ZNF416: variants seen among roughly 807,000 people sequenced by gnomAD.
The protein encoded by ZNF416 is zinc finger protein 416.
In ZNF416, 5 loss-of-function variants were observed where a neutral mutation model predicts 10.9. That is an observed-to-expected ratio of 0.46 (90% confidence interval 0.24 to 0.97). The LOEUF (loss-of-function observed/expected upper bound fraction) is 0.97. ZNF416 is among the 50% of genes least tolerant of loss of function. ZNF416 has a pLI of 0.19. For missense variants in ZNF416, 675 were observed against 715.0 expected (o/e 0.94, Z 0.64); for synonymous variants, 267 against 251.8 (o/e 1.06, Z -0.57).
chr19:57,578,733 C>A lies in ZNF416; in HGVS notation c.-29G>T. The stretch of plus-strand genomic sequence containing the variant: ...ATTGTGAGCGGAGCGGGGCCGGGAG[C>A]GGCGGGCGACCCGGGGCGGGAACCC... On this transcript the variant is annotated 5_prime_UTR_variant, in exon 1 of 4. Transcript: ENST00000196489. The A allele has an allele frequency of 6.9e-7, 1 of 1,457,372 alleles. No individual in the cohort carries two copies. The highest frequency in any genetic ancestry group is 9.1e-7 in the Non-Finnish European group (1 of 1,099,936). 90.3% of individuals were successfully genotyped at this position (1,457,372 alleles called of 1,614,324 possible). A position where few individuals can be genotyped will look rare whatever the true frequency, so the allele number is the denominator to read the frequency against.
At position 57,572,747 on chromosome 19, in the gene ZNF416, T is replaced by G; in HGVS notation, c.1157A>C (p.Glu386Ala). ...HTGEKPYECG[E>A]CGKLFRQSFS... ...GCTTTGTCTGAATAATTTCCCACAT[T>G]CACCACACTCATATGGCTTTTCTCC... Residue 386 changes from glutamate (E) to alanine (A), a missense_variant, in exon 4 of 4, where the codon GAA (glutamate) becomes GCA (alanine). By Grantham distance (107) the Glu-to-Ala change is moderately radical (BLOSUM62 -1). Transcript: ENST00000196489. This position sits in a 1 kb window ranked among gnomAD's most constrained non-coding sequence, Gnocchi z 4.5. 1 of 1,614,138 alleles carries G rather than the reference T, an allele frequency of 6.2e-7. No homozygotes were observed. The highest frequency in any genetic ancestry group is 8.5e-7 in the Non-Finnish European group (1 of 1,180,016).
chr19:57,573,152 C>G lies in ZNF416; in HGVS notation c.752G>C (p.Cys251Ser), dbSNP rs749422442. 1.2e-6 allele frequency: 2 copies of G among 1,614,166 alleles called. No individual in the cohort carries two copies. The highest frequency in any genetic ancestry group is 1.3e-5 in the African/African-American group (1 of 75,038). The change falls in exon 4 of 4, where the codon TGC becomes TCC. Residue 251 changes from cysteine to serine, a missense_variant. Coordinates refer to ENST00000196489, the MANE Select transcript of ZNF416 (RefSeq NM_017879.3). ...LYESSKCGKA[C>S]CCECSLVQLQ... ...CTGAACAAGGGAGCACTCACAGCAG[C>G]AGGCTTTCCCACATTTGCTAGATTC...
At position 57,575,654 on chromosome 19, in the gene ZNF416, T is replaced by G. The variant is rs1978503890; in HGVS notation, c.202+150A>C. 1 of 1,082,632 alleles carries G rather than the reference T, an allele frequency of 9.2e-7. No homozygotes were observed. Among genetic ancestry groups the G allele is most frequent in the African/African-American group, 1.6e-5 (1 of 63,988 alleles). The allele number at this position is 1,082,632 out of a possible 1,614,324, so 67.1% of individuals were successfully genotyped here. A position where few individuals can be genotyped will look rare whatever the true frequency, so the allele number is the denominator to read the frequency against. ...TGGGACAGCAAATGTCAGGGCTGAT[T>G]AAGGAGTGCAATGATTTCATTCCTT... On this transcript the variant is annotated intron_variant, in intron 3 of 3. Transcript: ENST00000196489. This position sits in a 1 kb window ranked among gnomAD's most constrained non-coding sequence, Gnocchi z 4.4.
At position 57,571,858 on chromosome 19, in the gene ZNF416, C is replaced by T. The variant is rs1436118885; in HGVS notation, c.*261G>A. ...GGTTGGGAGAACACAGGTGTATCTG[C>T]CTCGCCTTAGTATGCAAGGGTGACT... On this transcript the variant is annotated 3_prime_UTR_variant, in exon 4 of 4. Coordinates refer to ENST00000196489, the MANE Select transcript of ZNF416 (RefSeq NM_017879.3). The T allele has an allele frequency of 2.3e-6, 1 of 432,276 alleles. No individual in the cohort carries two copies. The highest frequency in any genetic ancestry group is 4.1e-6 in the Non-Finnish European group (1 of 241,360). 26.8% of individuals were successfully genotyped at this position (432,276 alleles called of 1,614,324 possible).
Position 57,578,743 on chromosome 19 carries a change from C to A in ZNF416, c.-39G>T. On this transcript the variant is annotated 5_prime_UTR_variant, in exon 1 of 4. Transcript: ENST00000196489. ...GAGCGGGGCCGGGAGCGGCGGGCGA[C>A]CCGGGGCGGGAACCCAGGCACGGCT... 1 of 1,442,114 alleles carries A rather than the reference C, an allele frequency of 6.9e-7. No individual in the cohort carries two copies. Among genetic ancestry groups the A allele is most frequent in the Non-Finnish European group, 9.2e-7 (1 of 1,092,080 alleles). 89.3% of individuals were successfully genotyped at this position (1,442,114 alleles called of 1,614,324 possible).
At chr19:57,576,549 G>A (rs1277153904) in intron 2 of ZNF416, among the ~76,000 whole-genome samples, 1 of 152,060 alleles carries the variant, frequency 6.6e-6, no homozygotes, top group Non-Finnish European at 1.5e-5. Flanking sequence ...CTCCCTGCCT[G>A]ACTCTGTCCC....
At chr19:57,578,381 C>A in intron 1 of ZNF416, 1 of 560,616 alleles carries the variant, frequency 1.8e-6, no homozygotes, top group South Asian at 2.5e-5. Flanking sequence ...CGTCTGTTCA[C>A]AACCACCCAT....
intron 3 of ZNF416, among the ~76,000 whole-genome samples, chr19:57,574,248 C>A (rs1978441705): frequency 6.6e-6 from 1 of 152,194 alleles, no homozygotes; most frequent in Non-Finnish European, 1.5e-5. Flanking sequence ...AGGCAGGAGA[C>A]AACTACGCCT....
At chr19:57,576,474 G>A (rs565758552) in intron 2 of ZNF416, among the ~76,000 whole-genome samples, 8 of 152,190 alleles carry the variant, frequency 5.3e-5, no homozygotes, top group African/African-American at 9.6e-5. Context: ...ATGAGGTCCG[G>A]TGCCACTCAG....
At chr19:57,574,781 T>G (rs1161558512) in intron 3 of ZNF416, among the ~76,000 whole-genome samples, 1 of 152,156 alleles carries the variant, frequency 6.6e-6, no homozygotes, top group East Asian at 1.9e-4. Flanking sequence ...GGCAAGATCT[T>G]GTCAGCTGGT....
Position 57,578,690 on chromosome 19 carries a change from C to A in ZNF416, c.15G>T (p.Val5=). 6.4e-6 allele frequency: 10 copies of A among 1,551,856 alleles called. No homozygotes were observed. The highest frequency in any genetic ancestry group is 1.2e-5 in the South Asian group (1 of 83,674). Residue 5 remains valine, a synonymous_variant, in exon 1 of 4, where the codon GTG becomes GTT. Coordinates refer to ENST00000196489, the MANE Select transcript of ZNF416 (RefSeq NM_017879.3). ...CACTCACCGAAGTCGAATCCCTAAG[C>A]ACGGCCGCCGCCATCGGATTGTGAG... is the stretch of plus-strand genomic sequence containing the variant. The part of the protein sequence containing the change: MAAA[V]LRDSTSVPVT...
rs140151340 is a variant in ZNF416, at chr19:57,573,412, G to C, written c.492C>G (p.Phe164Leu). The C allele has an allele frequency of 1.9e-6, 3 of 1,614,226 alleles. No homozygotes were observed. In the South Asian group the frequency reaches 3.3e-5, roughly 18 times the overall value. Residue 164 changes from phenylalanine to leucine, a missense_variant, in exon 4 of 4, where the codon TTC becomes TTG. Physicochemically the swap from Phe to Leu is conservative, Grantham distance 22. Transcript: ENST00000196489. Reference sequence around the variant, plus strand: ...TGGTGAAAGGCATTCCTGACTCATGGAACAGGCAGCACTGCACAAATGAGG... The same window carrying C: ...TGGTGAAAGGCATTCCTGACTCATGCAACAGGCAGCACTGCACAAATGAGG... ...DKASFVQCCL[F>L]HESGMPFTSS...
rs1374393643 is a variant in ZNF416 at position 57,578,766 on chromosome 19, G to A, written c.-62C>T. 21 of 1,385,884 alleles carry A rather than the reference G, an allele frequency of 1.5e-5. No individual in the cohort carries two copies. Among genetic ancestry groups the A allele is most frequent in the Middle Eastern group, 4.3e-4 (2 of 4,608 alleles). The allele number at this position is 1,385,884 out of a possible 1,614,324, so 85.8% of individuals were successfully genotyped here. On this transcript the variant is annotated 5_prime_UTR_variant, in exon 1 of 4. Transcript: ENST00000196489. ...GACCCGGGGCGGGAACCCAGGCACG[G>A]CTGCCACCAGCGCCAGCGACCCACC...
rs1978370297 is a variant in ZNF416, at chr19:57,573,047, T to G, written c.857A>C (p.Asn286Thr). The G allele has an allele frequency of 1.2e-6, 2 of 1,613,594 alleles. No homozygotes were observed. ...TCCAGTGTGGATTCTCCGATGATCA[T>G]TCAGATGAGAGGTTTGGCTAAAAGA... ...GKSFSQTSHL[N>T]DHRRIHTGER... Residue 286 changes from asparagine to threonine, a missense_variant, in exon 4 of 4, where the codon AAT becomes ACT. Physicochemically the swap from Asn to Thr is moderately conservative, Grantham distance 65. Transcript: ENST00000196489.
intron 2 of ZNF416, among the ~76,000 whole-genome samples, chr19:57,577,747 C>A (rs1179170740): frequency 1.3e-5 from 2 of 152,312 alleles, no homozygotes; most frequent in Non-Finnish European, 2.9e-5. Context: ...TTCCTGCATC[C>A]CAGCTTTCAG....
intron 3 of ZNF416, among the ~76,000 whole-genome samples, chr19:57,574,392 T>C (rs1978449068): frequency 1.3e-5 from 2 of 152,228 alleles, no homozygotes; most frequent in Admixed American, 6.5e-5. Context: ...GCTTCTACCT[T>C]CTGACCACTG....
At position 57,573,141 on chromosome 19, in the gene ZNF416, A is replaced by G; in HGVS notation, c.763T>C (p.Cys255Arg). Residue 255 changes from cysteine to arginine, a missense_variant, in exon 4 of 4, where the codon TGC becomes CGC. Cys to Arg is a radical substitution (Grantham distance 180). Transcript: ENST00000196489. ...SKCGKACCCECSLVQLQRVHP... is the reference protein window; with the variant it reads ...SKCGKACCCERSLVQLQRVHP... ...ACTCTTTGCAGCTGAACAAGGGAGC[A>G]CTCACAGCAGCAGGCTTTCCCACAT... 6.2e-7 allele frequency: 1 copy of G among 1,614,218 alleles called. No individual in the cohort carries two copies. The highest frequency in any genetic ancestry group is 8.5e-7 in the Non-Finnish European group (1 of 1,180,036).
chr19:57,578,146 T>A (rs1325262383), intron 1 of ZNF416, 48 bp from the exon 2 acceptor site: 38 of 1,602,478 alleles, frequency 2.4e-5, no homozygotes, highest in Non-Finnish European at 3.1e-5. Flanking sequence ...TGGTGGAAGC[T>A]CCATGGGCTG....
At position 57,575,737 on chromosome 19, in the gene ZNF416, G is replaced by T; in HGVS notation, c.202+67C>A. On this transcript the variant is annotated intron_variant, in intron 3 of 3. Transcript: ENST00000196489. This position sits in a 1 kb window ranked among gnomAD's most constrained non-coding sequence, Gnocchi z 4.4. ...AGTCAGCAAAGCCCACGGTCCGGCA[G>T]AGCTGCCTCTGAGGAAAAAGAGGAT... 1.2e-6 allele frequency: 2 copies of T among 1,610,080 alleles called. No homozygotes were observed. The highest frequency in any genetic ancestry group is 1.7e-6 in the Non-Finnish European group (2 of 1,176,804).
Sources: allele counts gnomAD v4.1 joint callset (sites outside exome capture counted in the v4.1 genomes callset), GRCh38; gene constraint gnomAD v4.1.1; non-coding constraint Gnocchi (gnomAD v3.1); transcripts MANE v1.5; gene names NCBI Gene and HGNC (gene_info 2026-07-23, HGNC 2026-07-21).